Variants in ENOX2 observed in about 807,000 individuals in gnomAD.
ENOX2 encodes the protein ecto-NOX disulfide-thiol exchanger 2, also known as APK1 antigen.
ENOX2 carries 36 observed loss-of-function variants against 45.0 expected under a neutral mutation model. The observed-to-expected ratio is 0.80, with a 90% CI of 0.61 to 1.06. ENOX2 has a LOEUF of 1.06. Among genes scored for constraint, ENOX2 ranks in the 50% least tolerant of loss-of-function variants. ENOX2 has a pLI of 0.00. For missense variants in ENOX2, 423 were observed against 462.5 expected (o/e 0.91, Z 0.78); for synonymous variants, 174 against 152.3 (o/e 1.14, Z -1.05).
chrX:130,726,735 C>T (rs1357642485), intron 3 of ENOX2, among the ~76,000 whole-genome samples: 5 of 112,387 alleles, frequency 4.4e-5, no homozygotes, highest in African/African-American at 9.7e-5. Flanking sequence ...AATGAGAGTT[C>T]GATTTTACGA....
intron 2 of ENOX2, among the ~76,000 whole-genome samples, chrX:130,819,752 AC>A (rs1338654335): frequency 9.0e-6 from 1 of 111,348 alleles, no homozygotes; most frequent in Non-Finnish European, 1.9e-5. Flanking sequence ...GAGGAGAAAT[AC>A]CTAATGCAGA....
chrX:130,702,651 A>ATATG (rs1569489588), intron 4 of ENOX2, among the ~76,000 whole-genome samples: 1 of 111,279 alleles, frequency 9.0e-6, no homozygotes, highest in African/African-American at 3.3e-5. Context: ...GTTTATGTAT[A>ATATG]TATGTATGTG....
chrX:130,709,650 A>G (rs935190173), intron 3 of ENOX2, among the ~76,000 whole-genome samples: 1 of 108,941 alleles, frequency 9.2e-6, no homozygotes, highest in African/African-American at 3.3e-5. Flanking sequence ...AAAAAAAAAA[A>G]AAAAAGAAAA....
At chrX:130,659,878 T>G (rs930498331) in intron 9 of ENOX2, among the ~76,000 whole-genome samples, 2 of 112,193 alleles carry the variant, frequency 1.8e-5, no homozygotes, top group Admixed American at 9.5e-5. Context: ...ACAAAACATC[T>G]TTCTTCTTCC....
rs764580546 is a variant in ENOX2 at position 130,742,646 on chromosome X, C to A, written c.-38-39392G>T. 1.1e-4 allele frequency among the ~76,000 whole-genome samples: 12 copies of A among 111,579 alleles called. No homozygotes were observed. The South Asian group carries it at 4.6e-3, about 43-fold the overall frequency. Reference sequence around the variant, plus strand: ...CACCCTTTATTGAGTGTATTTAAGGCACTACTGTATATAAACTGTCCCATT... The same window carrying A: ...CACCCTTTATTGAGTGTATTTAAGGAACTACTGTATATAAACTGTCCCATT... On this transcript the variant is annotated intron_variant, in intron 3 of 14. Transcript: ENST00000394363.
At chrX:130,843,861 T>C (rs1220721984) in intron 2 of ENOX2, among the ~76,000 whole-genome samples, 1 of 112,340 alleles carries the variant, frequency 8.9e-6, no homozygotes, top group African/African-American at 3.2e-5. Context: ...TATGTGATTC[T>C]CTATTTCTCT....
At chrX:130,684,908 G>A (rs1333500321) in intron 5 of ENOX2, among the ~76,000 whole-genome samples, 1 of 111,217 alleles carries the variant, frequency 9.0e-6, no homozygotes, top group Non-Finnish European at 1.9e-5. Context: ...AGGCTGCAGT[G>A]AGCCAAGATC....
chrX:130,680,340 T>G (rs183049694), intron 5 of ENOX2, among the ~76,000 whole-genome samples: 30 of 111,884 alleles, frequency 2.7e-4, no homozygotes, highest in African/African-American at 9.4e-4. Flanking sequence ...TCAATATCAG[T>G]GAGCCTTTCC....
chrX:130,626,167 A>G (rs914271923), intron 14 of ENOX2, among the ~76,000 whole-genome samples: 9 of 111,212 alleles, frequency 8.1e-5, no homozygotes, highest in African/African-American at 2.9e-4. Context: ...TGTTGGTATC[A>G]CCTCAGGCTC....
intron 2 of ENOX2, among the ~76,000 whole-genome samples, chrX:130,872,140 T>C (rs906280408): frequency 2.7e-5 from 3 of 112,161 alleles, no homozygotes; most frequent in East Asian, 5.6e-4. Context: ...TTTTTGGACA[T>C]AGCAAATTGC....
intron 2 of ENOX2, among the ~76,000 whole-genome samples, chrX:130,890,202 T>A (rs754098717): frequency 5.1e-4 from 57 of 111,633 alleles, no homozygotes; most frequent in Non-Finnish European, 9.4e-4. Context: ...GGAATATGAC[T>A]GACAGAGTGT....
intron 2 of ENOX2, among the ~76,000 whole-genome samples, chrX:130,863,696 G>A (rs1486084290): frequency 4.5e-5 from 5 of 112,101 alleles, no homozygotes; most frequent in African/African-American, 1.3e-4. Context: ...ACAAAAATGC[G>A]GATTCTTATA....
intron 3 of ENOX2, among the ~76,000 whole-genome samples, chrX:130,771,173 T>C (rs1016864165): frequency 2.7e-5 from 3 of 112,434 alleles, no homozygotes; most frequent in African/African-American, 9.7e-5. Context: ...CTGTGCCATC[T>C]TTCAGGTGCT....
At chrX:130,735,070 C>G (rs945187342) in intron 3 of ENOX2, among the ~76,000 whole-genome samples, 1 of 112,438 alleles carries the variant, frequency 8.9e-6, no homozygotes, top group African/African-American at 3.2e-5. Flanking sequence ...GCAGGGACAT[C>G]ACCACCTCTG....
chrX:130,869,527 T>C (rs1042461192), intron 2 of ENOX2, among the ~76,000 whole-genome samples: 8 of 111,567 alleles, frequency 7.2e-5, no homozygotes, highest in African/African-American at 9.8e-5. Flanking sequence ...TGTCAGGCAC[T>C]GTTCTAAATT....
chrX:130,851,471 C>CT lies in ENOX2; in HGVS notation c.-183+50212dup, dbSNP rs780960248. Among the ~76,000 whole-genome samples the CT allele has an allele frequency of 7.0e-3, 720 of 103,087 alleles. 7 individuals are homozygous for CT. Among genetic ancestry groups the CT allele is most frequent in the African/African-American group, 0.022 (615 of 28,323 alleles). The allele number at this position is 103,087 out of a possible 115,157, so 89.5% of individuals were successfully genotyped here. A position where few individuals can be genotyped will look rare whatever the true frequency, so the allele number is the denominator to read the frequency against. ...ATGTATTTTTTTTTTCTTTTTTTTCCTTTTTTTTTTATTATACTTTAAGTA... is the reference window on the plus strand; with the variant it reads ...ATGTATTTTTTTTTTCTTTTTTTTCCTTTTTTTTTTTATTATACTTTAAGTA... On this transcript the variant is annotated intron_variant, in intron 2 of 14. Coordinates refer to ENST00000394363, the MANE Select transcript of ENOX2 (RefSeq NM_006375.4).
intron 2 of ENOX2, among the ~76,000 whole-genome samples, chrX:130,892,991 A>G (rs2079007034): frequency 8.9e-6 from 1 of 111,947 alleles, no homozygotes; most frequent in Non-Finnish European, 1.9e-5. Context: ...TTTTCTCTGT[A>G]TTTGAATATT....
chrX:130,647,735 G>T (rs1489382253), intron 10 of ENOX2, among the ~76,000 whole-genome samples: 1 of 111,059 alleles, frequency 9.0e-6, no homozygotes, highest in African/African-American at 3.3e-5. Context: ...TGGGAGCAGG[G>T]TGCTAGTTCT....
chrX:130,844,028 AT>A (rs1311079952), intron 2 of ENOX2, among the ~76,000 whole-genome samples: 1 of 111,432 alleles, frequency 9.0e-6, no homozygotes, highest in Non-Finnish European at 1.9e-5. Flanking sequence ...GGAAGAAAAA[AT>A]TTTCAGAATT....
Sources: gnomAD v4.1 joint callset for allele counts (sites outside exome capture counted in the v4.1 genomes callset) on GRCh38, gnomAD v4.1.1 for gene constraint, MANE v1.5 for transcripts, NCBI Gene and HGNC (gene_info 2026-07-23, HGNC 2026-07-21) for gene names.